Variants in ZNF337 observed in about 807,000 individuals in gnomAD.
ZNF337 encodes zinc finger protein 337.
In ZNF337, 8 loss-of-function variants were observed where a neutral mutation model predicts 12.1. The observed-to-expected ratio is 0.66, with a 90% CI of 0.39 to 1.19. The LOEUF is 1.19. ZNF337 is among the 50% of genes most tolerant of loss of function. ZNF337 has a pLI of 0.01. For synonymous variants in ZNF337, 336 were observed against 320.0 expected, an observed-to-expected ratio of 1.05 and a Z score of -0.53; for missense variants, 882 against 896.6, an observed-to-expected ratio of 0.98 and a Z score of 0.21.
intron 1 of ZNF337, among the ~76,000 whole-genome samples, chr20:25,688,071 TTTG>T (rs1252086316): frequency 1.3e-5 from 2 of 152,270 alleles, no homozygotes; most frequent in Admixed American, 6.5e-5. Context: ...TTAAAACATT[TTTG>T]TTATTTCTTT....
chr20:25,675,856 G>A lies in ZNF337; in HGVS notation c.1432C>T (p.His478Tyr). The stretch of plus-strand genomic sequence containing the variant: ...TTCTCCTCTGAGTGTGTCCTCTGGT[G>A]TAAAGTGAAGGTTGACTTTTGGATA... ...GFIQKSTFTL[H>Y]QRTHSEEKPY... Residue 478 changes from histidine (H) to tyrosine (Y), a missense_variant, in exon 5 of 5, where the codon CAC becomes TAC. By Grantham distance (83) the His-to-Tyr change is moderately conservative. Transcript: ENST00000252979. 6.2e-7 allele frequency: 1 copy of A among 1,614,200 alleles called. No homozygotes were observed. The highest frequency in any genetic ancestry group is 8.5e-7 in the Non-Finnish European group (1 of 1,180,034).
intron 4 of ZNF337, among the ~76,000 whole-genome samples, chr20:25,684,089 A>C (rs1394599624): frequency 6.6e-6 from 1 of 151,754 alleles, no homozygotes. Context: ...CATTCTCAGC[A>C]AACTATCTCA....
chr20:25,695,809 G>A (rs1443113515), intron 1 of ZNF337, among the ~76,000 whole-genome samples: 3 of 152,162 alleles, frequency 2.0e-5, no homozygotes, highest in Non-Finnish European at 4.4e-5. Flanking sequence ...CTACAGGCAT[G>A]AGCCACACTG....
At chr20:25,692,144 G>A (rs1011386123) in intron 1 of ZNF337, among the ~76,000 whole-genome samples, 1 of 152,204 alleles carries the variant, frequency 6.6e-6, no homozygotes, top group African/African-American at 2.4e-5. Context: ...AAGTAAAACA[G>A]ACAAGGGGCA....
chr20:25,676,259 T>G lies in ZNF337; in HGVS notation c.1029A>C (p.Ser343=). 1 of 1,614,000 alleles carries G rather than the reference T, an allele frequency of 6.2e-7. No individual in the cohort carries two copies. Among genetic ancestry groups the G allele is most frequent in the Non-Finnish European group, 8.5e-7 (1 of 1,179,958 alleles). Residue 343 remains serine (S), a synonymous_variant, in exon 5 of 5, where the codon TCA becomes TCC. Coordinates refer to ENST00000252979, the MANE Select transcript of ZNF337 (RefSeq NM_015655.4). The part of the protein sequence containing the change: ...SYFVVHKRIH[S]GEKPYRCQEC... Reference sequence around the variant, plus strand: ...CCTGGCATCTGTAAGGCTTCTCTCCTGAGTGTATTCTCTTGTGCACAACGA... The same window carrying G: ...CCTGGCATCTGTAAGGCTTCTCTCCGGAGTGTATTCTCTTGTGCACAACGA...
At chr20:25,694,759 C>A (rs1265913457) in intron 1 of ZNF337, among the ~76,000 whole-genome samples, 1 of 152,146 alleles carries the variant, frequency 6.6e-6, no homozygotes, top group African/African-American at 2.4e-5. Context: ...ACTTTCCAAC[C>A]TGACTCTGGT....
At chr20:25,684,476 C>G (rs932778819) in intron 4 of ZNF337, among the ~76,000 whole-genome samples, 7 of 152,142 alleles carry the variant, frequency 4.6e-5, no homozygotes, top group African/African-American at 1.7e-4. Flanking sequence ...CAGGAAACAA[C>G]AGATGCTTGA....
intron 1 of ZNF337, among the ~76,000 whole-genome samples, chr20:25,688,936 C>CT (rs2065858657): frequency 6.6e-6 from 1 of 151,972 alleles, no homozygotes; most frequent in Non-Finnish European, 1.5e-5. Flanking sequence ...TGAGACCGTC[C>CT]TGGCTAACAC....
At chr20:25,687,489 G>A (rs895159607) in intron 1 of ZNF337, among the ~76,000 whole-genome samples, 1 of 152,118 alleles carries the variant, frequency 6.6e-6, no homozygotes, top group African/African-American at 2.4e-5. Context: ...GAAATGTGAA[G>A]GAACAAAGAT....
intron 1 of ZNF337, among the ~76,000 whole-genome samples, chr20:25,694,126 T>C (rs1887237481): frequency 6.6e-6 from 1 of 152,218 alleles, no homozygotes; most frequent in African/African-American, 2.4e-5. Context: ...ATATTCATTA[T>C]AATATTTAAC....
chr20:25,692,994 A>G lies in ZNF337; in HGVS notation c.-50+3765T>C, dbSNP rs577143012. ...ATTTTATTGTCTCAATTATACCTCA[A>G]TGAAGCTAATTCTTAACAGAAACCC... is the stretch of plus-strand genomic sequence containing the variant. On this transcript the variant is annotated intron_variant, in intron 1 of 4. Transcript: ENST00000252979. Among the ~76,000 whole-genome samples the G allele has an allele frequency of 4.5e-4, 69 of 152,308 alleles. 1 individual carries two copies. The highest frequency in any genetic ancestry group is 8.4e-4 in the Non-Finnish European group (57 of 68,026).
At chr20:25,694,500 A>G (rs955774090) in intron 1 of ZNF337, among the ~76,000 whole-genome samples, 4 of 152,072 alleles carry the variant, frequency 2.6e-5, no homozygotes, top group African/African-American at 9.7e-5. Flanking sequence ...ATTTTTCCAT[A>G]ATGAAATGAT....
rs112974316 is a variant in ZNF337 at position 25,696,833 on chromosome 20, C to T, written c.-124G>A. 6.7e-3 allele frequency: 6,623 copies of T among 985,428 alleles called. 38 individuals carry two copies. Among genetic ancestry groups the T allele is most frequent in the African/African-American group, 0.028 (1,630 of 57,372 alleles). 61.0% of individuals were successfully genotyped at this position (985,428 alleles called of 1,614,324 possible). Reference sequence around the variant, plus strand: ...ACGCATCTCACGGCTCGCTGACGCCCAGGGATCTGGAACGCTCTGCGCCGC... The same window carrying T: ...ACGCATCTCACGGCTCGCTGACGCCTAGGGATCTGGAACGCTCTGCGCCGC... On this transcript the variant is annotated 5_prime_UTR_variant, in exon 1 of 5. Transcript: ENST00000252979.
chr20:25,696,487 C>G (rs1417034494), intron 1 of ZNF337, among the ~76,000 whole-genome samples: 1 of 152,176 alleles, frequency 6.6e-6, no homozygotes, highest in African/African-American at 2.4e-5. Context: ...CTGTGAAATC[C>G]GGGCTGTTCA....
At chr20:25,686,658 G>C in intron 1 of ZNF337, 192 bp from the exon 2 acceptor site, 1 of 562,192 alleles carries the variant, frequency 1.8e-6, no homozygotes, top group Non-Finnish European at 3.1e-6. Flanking sequence ...TGGGAGTGAA[G>C]TGTGCCCCAG....
At chr20:25,678,943 T>C (rs1285948457) in intron 4 of ZNF337, among the ~76,000 whole-genome samples, 2 of 152,140 alleles carry the variant, frequency 1.3e-5, no homozygotes, top group Non-Finnish European at 2.9e-5. Flanking sequence ...ACCCTGTCCA[T>C]AGAAACAAAA....
At chr20:25,679,571 C>G (rs562425839) in intron 4 of ZNF337, among the ~76,000 whole-genome samples, 2 of 152,270 alleles carry the variant, frequency 1.3e-5, no homozygotes, top group East Asian at 1.9e-4. Flanking sequence ...AAATGCTCAT[C>G]ATCACCAATC....
chr20:25,676,589 C>G lies in ZNF337; in HGVS notation c.699G>C (p.Glu233Asp). 6.2e-7 allele frequency: 1 copy of G among 1,614,174 alleles called. No homozygotes were observed. The highest frequency in any genetic ancestry group is 8.5e-7 in the Non-Finnish European group (1 of 1,179,990). ...LLLHQNTHTG[E>D]KSYVCSVCGR... The stretch of plus-strand genomic sequence containing the variant: ...CACACACACTGCACACATAGGACTT[C>G]TCTCCTGTGTGTGTGTTCTGGTGCA... The change falls in exon 5 of 5, where the codon GAG (glutamate) becomes GAC (aspartate). Residue 233 changes from glutamate to aspartate, a missense_variant. Transcript: ENST00000252979.
rs2122321247 is a variant in ZNF337 at position 25,674,811 on chromosome 20, A to ATTACC, written c.*220_*221insGGTAA. The ATTACC allele has an allele frequency of 5.2e-6, 3 of 579,226 alleles. No homozygotes were observed. In the East Asian group the frequency reaches 8.5e-5, roughly 16 times the overall value. 35.9% of individuals were successfully genotyped at this position (579,226 alleles called of 1,614,324 possible). On this transcript the variant is annotated 3_prime_UTR_variant, in exon 5 of 5. Coordinates refer to ENST00000252979, the MANE Select transcript of ZNF337 (RefSeq NM_015655.4). ...CCACATTTCCCCAATAGCCCAGGTA[A>ATTACC]TGCCCTCCCCTCAACTGGCATCTCT...
Sources: allele counts gnomAD v4.1 joint callset (sites outside exome capture counted in the v4.1 genomes callset), GRCh38; gene constraint gnomAD v4.1.1; transcripts MANE v1.5; gene names NCBI Gene and HGNC (gene_info 2026-07-23, HGNC 2026-07-21).